Variants in MILR1 observed in about 807,000 individuals in gnomAD.
The protein encoded by MILR1 is allergin-1.
A neutral mutation model predicts 18.5 loss-of-function variants in MILR1; 31 were observed. The observed-to-expected ratio is 1.68, with a 90% confidence interval of 1.26 to 2.26. The LOEUF (loss-of-function observed/expected upper bound fraction) is 2.26, where lower values mean the gene tolerates loss of function less well. Ranked by LOEUF, MILR1 falls within the 30% of genes most tolerant of loss-of-function variation. The pLI, the probability that MILR1 is intolerant of heterozygous loss-of-function variation, is 0.00. For synonymous variants in MILR1, 85 were observed against 56.2 expected, an observed-to-expected ratio of 1.51 and a Z score of -2.30; for missense variants, 257 against 157.4, an observed-to-expected ratio of 1.63 and a Z score of -3.38.
chr17:64,490,857 A>G, the MILR1 span: 1 of 1,613,708 alleles, frequency 6.2e-7, no homozygotes, highest in Non-Finnish European at 8.5e-7. Context: ...TAGGTTCCAC[A>G]GGGTTTCTAT....
chr17:64,467,860 G>A lies in MILR1; in HGVS notation c.*28+215G>A, dbSNP rs184927639. On this transcript the variant is annotated intron_variant, in intron 9 of 9. Transcript: ENST00000619286. ...TGAGGCAGGAGAATCACTTGAGCCC[G>A]GGAGGCAGAGGTTGCAGTGAGCCAA... 1,203 of 396,716 alleles carry A rather than the reference G, an allele frequency of 3.0e-3. 15 individuals are homozygous for A. Among genetic ancestry groups the A allele is most frequent in the African/African-American group, 0.024 (1,124 of 47,272 alleles). The allele number at this position is 396,716 out of a possible 1,614,324, so 24.6% of individuals were successfully genotyped here.
chr17:64,489,654 G>A, the MILR1 span, among the ~76,000 whole-genome samples: 1 of 152,044 alleles, frequency 6.6e-6, no homozygotes, highest in Non-Finnish European at 1.5e-5. Flanking sequence ...TAGCTACTTG[G>A]GAGGCTGAGG....
Position 64,452,801 on chromosome 17 carries a change from A to G in MILR1, c.302A>G (p.Tyr101Cys), listed in dbSNP as rs2037203326. 4 of 475,152 alleles carry G rather than the reference A, an allele frequency of 8.4e-6. No individual in the cohort carries two copies. Among genetic ancestry groups the G allele is most frequent in the Non-Finnish European group, 1.5e-5 (4 of 259,026 alleles). 29.4% of individuals were successfully genotyped at this position (475,152 alleles called of 1,614,324 possible). A position where few individuals can be genotyped will look rare whatever the true frequency, so the allele number is the denominator to read the frequency against. The stretch of plus-strand genomic sequence containing the variant: ...ACAGAAGCCCATGAATCAGGCCCCT[A>G]CAAATGCAAAGCCCAAGTTACCAGC... ...SITEAHESGP[Y>C]KCKAQVTSCS... Residue 101 changes from tyrosine to cysteine, a missense_variant, in exon 3 of 10, where the codon TAC becomes TGC. By Grantham distance (194) the Tyr-to-Cys change is radical. Coordinates refer to ENST00000619286, the MANE Select transcript of MILR1 (RefSeq NM_001085423.2).
chr17:64,460,342 T>C (rs1209089261), intron 4 of MILR1, among the ~76,000 whole-genome samples: 1 of 151,840 alleles, frequency 6.6e-6, no homozygotes, highest in Admixed American at 6.6e-5. Context: ...TGTTTATTTA[T>C]TAACTTATTT....
downstream of MILR1, among the ~76,000 whole-genome samples, chr17:64,471,197 G>A (rs972885645): frequency 2.0e-5 from 3 of 152,156 alleles, no homozygotes; most frequent in Middle Eastern, 3.4e-3. Context: ...TAGGAAGCAG[G>A]CCCAATGCGC....
At chr17:64,485,607 A>G in the MILR1 span, 6 of 823,526 alleles carry the variant, frequency 7.3e-6, no homozygotes, top group Admixed American at 2.1e-5. Flanking sequence ...AAAAATACTT[A>G]GACTACATGC....
At position 64,456,819 on chromosome 17, in the gene MILR1, T is replaced by G. The variant is rs1275635677; in HGVS notation, c.368-581T>G. ...CCTGTCTCTGAATAAATAAATACAT[T>G]GAAAAGAAAATGATATTTTTGGATT... On this transcript the variant is annotated intron_variant, in intron 3 of 9. Coordinates refer to ENST00000619286, the MANE Select transcript of MILR1 (RefSeq NM_001085423.2). Among the ~76,000 whole-genome samples, 13 of 151,900 alleles carry G rather than the reference T, an allele frequency of 8.6e-5. No individual in the cohort carries two copies. The East Asian group carries it at 2.5e-3, about 30-fold the overall frequency.
intron 3 of MILR1, among the ~76,000 whole-genome samples, chr17:64,454,843 A>T (rs997619246): frequency 6.6e-5 from 10 of 152,010 alleles, no homozygotes; most frequent in South Asian, 6.2e-4. Context: ...AAAGTTAAAA[A>T]ATATATATAT....
chr17:64,480,261 C>T, the MILR1 span: 11 of 1,005,944 alleles, frequency 1.1e-5, no homozygotes, highest in East Asian at 7.5e-5. Context: ...TGAATAAATA[C>T]ACTCTTTAAT....
chr17:64,461,755 A>C (rs2037436632), intron 5 of MILR1, among the ~76,000 whole-genome samples: 1 of 151,992 alleles, frequency 6.6e-6, no homozygotes, highest in South Asian at 2.1e-4. Flanking sequence ...TGTCCCCATT[A>C]CACACTAGCT....
chr17:64,475,824 T>G, the MILR1 span, among the ~76,000 whole-genome samples: 4 of 142,444 alleles, frequency 2.8e-5, no homozygotes, highest in African/African-American at 1.1e-4. Flanking sequence ...TTTTTTTTTT[T>G]TTTTTTTGAG....
intron 5 of MILR1, among the ~76,000 whole-genome samples, chr17:64,462,723 C>T (rs2037460947): frequency 6.6e-6 from 1 of 151,808 alleles, no homozygotes; most frequent in African/African-American, 2.4e-5. Context: ...TCACAGCAGC[C>T]TCTGTCTCCC....
At chr17:64,492,867 A>C in the MILR1 span, 2 of 1,613,222 alleles carry the variant, frequency 1.2e-6, no homozygotes, top group Non-Finnish European at 1.7e-6. Flanking sequence ...TTTAAATACA[A>C]GGCCAAGTTA....
At chr17:64,474,449 C>T in the MILR1 span, among the ~76,000 whole-genome samples, 1 of 152,044 alleles carries the variant, frequency 6.6e-6, no homozygotes, top group South Asian at 2.1e-4. Flanking sequence ...ATCCAAGCTC[C>T]CTGCGGCTTT....
chr17:64,491,684 G>A, the MILR1 span: 1 of 1,184,560 alleles, frequency 8.4e-7, no homozygotes, highest in South Asian at 1.2e-5. Flanking sequence ...ACGTGAAGAA[G>A]GGGAGCATCT....
Position 64,458,362 on chromosome 17 carries a change from G to A in MILR1, c.652+678G>A, listed in dbSNP as rs990062289. ...TGAGTAGCTGGGACTACAGGCACCC[G>A]CCACCACGCTTGGCTAATTTTTGTA... On this transcript the variant is annotated intron_variant, in intron 4 of 9. Coordinates refer to ENST00000619286, the MANE Select transcript of MILR1 (RefSeq NM_001085423.2). 2.9e-3 allele frequency among the ~76,000 whole-genome samples: 446 copies of A among 151,870 alleles called. 3 individuals are homozygous for A. The highest frequency in any genetic ancestry group is 0.01 in the African/African-American group (417 of 41,396).
chr17:64,492,808 C>G, the MILR1 span: 1 of 1,600,090 alleles, frequency 6.2e-7, no homozygotes, highest in South Asian at 1.1e-5. Flanking sequence ...GTTAGCTTAT[C>G]TGAAAATTAT....
At chr17:64,470,922 A>T (rs188477361), downstream of MILR1, among the ~76,000 whole-genome samples, 6 of 152,332 alleles carry the variant, frequency 3.9e-5, no homozygotes, top group Admixed American at 3.9e-4. Flanking sequence ...GCTGGCGTCC[A>T]CTAGTGCCTC....
the MILR1 span, among the ~76,000 whole-genome samples, chr17:64,484,818 G>T: frequency 1.3e-5 from 2 of 152,130 alleles, no homozygotes; most frequent in South Asian, 2.1e-4. Flanking sequence ...ACTTAACTAA[G>T]AAGAGTGGTT....
Sources: allele counts gnomAD v4.1 joint callset (sites outside exome capture counted in the v4.1 genomes callset), GRCh38; gene constraint gnomAD v4.1.1; transcripts MANE v1.5; gene names NCBI Gene and HGNC (gene_info 2026-07-23, HGNC 2026-07-21).